The following LRP1B variants were observed in gnomAD, a reference collection of about 807,000 sequenced individuals.
The protein encoded by LRP1B is LDL receptor related protein 1B.
Under a neutral mutation model 556.6 loss-of-function variants are expected in LRP1B, and 217 were observed. The ratio of observed to expected loss-of-function variants is 0.39; its 90% CI spans 0.35 to 0.44. The LOEUF (loss-of-function observed/expected upper bound fraction) is 0.44, where lower values mean the gene tolerates loss of function less well. Ranked by LOEUF, LRP1B falls within the 20% of genes least tolerant of loss-of-function variation. LRP1B has a pLI of 1.00. For synonymous variants in LRP1B, 2,047 were observed against 1,865.8 expected, an observed-to-expected ratio of 1.10 and a Z score of -2.50; for missense variants, 5,053 against 5,620.8, an observed-to-expected ratio of 0.90 and a Z score of 3.23.
intron 5 of LRP1B, among the ~76,000 whole-genome samples, chr2:141,233,787 A>G (rs567065280): frequency 5.2e-4 from 79 of 152,200 alleles, no homozygotes; most frequent in Non-Finnish European, 7.5e-4. Context: ...TAATTTGGCT[A>G]GTTTCCTTCT....
chr2:141,438,338 TTCAC>T (rs144766824), intron 3 of LRP1B, among the ~76,000 whole-genome samples: 5,611 of 152,188 alleles, frequency 0.037, 325 homozygotes, highest in African/African-American at 0.13. Flanking sequence ...CATTCATTCA[TTCAC>T]TCACTCACTC....
chr2:141,735,609 G>A (rs1693436495), intron 2 of LRP1B, among the ~76,000 whole-genome samples: 2 of 152,098 alleles, frequency 1.3e-5, no homozygotes, highest in South Asian at 4.1e-4. Context: ...GTGGAAGATA[G>A]AAGTAAAATG....
chr2:141,039,343 G>T (rs751131004), intron 11 of LRP1B, among the ~76,000 whole-genome samples: 3 of 151,970 alleles, frequency 2.0e-5, no homozygotes, highest in African/African-American at 7.2e-5. Flanking sequence ...CATTATTGTT[G>T]TGAGTCTCTT....
intron 18 of LRP1B, among the ~76,000 whole-genome samples, chr2:140,974,114 C>T (rs980288): frequency 0.74 from 111,707 of 151,980 alleles, 41,591 homozygotes; most frequent in Admixed American, 0.79. Flanking sequence ...TTATTGATTC[C>T]ATGTAGCTTC....
intron 66 of LRP1B, among the ~76,000 whole-genome samples, chr2:140,412,628 T>C (rs1685012105): frequency 6.6e-6 from 1 of 152,068 alleles, no homozygotes; most frequent in South Asian, 2.1e-4. Flanking sequence ...GTAAATCATT[T>C]TGAGAACGTA....
chr2:141,405,489 G>A (rs2104932598), intron 3 of LRP1B, among the ~76,000 whole-genome samples: 1 of 152,210 alleles, frequency 6.6e-6, no homozygotes, highest in African/African-American at 2.4e-5. Flanking sequence ...TTAGTTGGTT[G>A]CTAGAATACC....
At chr2:141,807,097 C>T (rs1028130774) in intron 2 of LRP1B, among the ~76,000 whole-genome samples, 4 of 151,920 alleles carry the variant, frequency 2.6e-5, no homozygotes, top group Admixed American at 6.6e-5. Context: ...TCTTTCATAT[C>T]GAATGTATAC....
chr2:141,484,350 GT>G (rs1458569213), intron 2 of LRP1B, among the ~76,000 whole-genome samples: 1 of 149,896 alleles, frequency 6.7e-6, no homozygotes, highest in Non-Finnish European at 1.5e-5. Context: ...GTACCATGCT[GT>G]TTTGGTTACT....
chr2:140,361,419 A>G (rs556100808), intron 72 of LRP1B, among the ~76,000 whole-genome samples: 26 of 137,758 alleles, frequency 1.9e-4, no homozygotes, highest in African/African-American at 6.1e-4. Flanking sequence ...GAAATTTCTT[A>G]AGATATTATT....
chr2:141,618,974 A>C (rs888176786), intron 2 of LRP1B, among the ~76,000 whole-genome samples: 1 of 152,230 alleles, frequency 6.6e-6, no homozygotes, highest in African/African-American at 2.4e-5. Context: ...AGTGAATTGC[A>C]TTAAAGTAAA....
chr2:140,870,239 G>A (rs1036588561), intron 25 of LRP1B, among the ~76,000 whole-genome samples: 3 of 152,064 alleles, frequency 2.0e-5, no homozygotes, highest in African/African-American at 4.8e-5. Context: ...TTTGCATAAG[G>A]CAATGTTTGT....
intron 3 of LRP1B, among the ~76,000 whole-genome samples, chr2:141,301,116 A>T (rs2105429803): frequency 6.6e-6 from 1 of 152,274 alleles, no homozygotes; most frequent in East Asian, 1.9e-4. Context: ...GGAGTTTTAC[A>T]TGACTTGGAA....
chr2:141,692,387 A>T (rs1407895008), intron 2 of LRP1B, among the ~76,000 whole-genome samples: 3 of 151,954 alleles, frequency 2.0e-5, no homozygotes, highest in African/African-American at 7.2e-5. Flanking sequence ...TGCTCTCCAC[A>T]AGGACTTTGA....
At chr2:140,856,834 C>A (rs889658757) in intron 27 of LRP1B, among the ~76,000 whole-genome samples, 1 of 151,840 alleles carries the variant, frequency 6.6e-6, no homozygotes, top group African/African-American at 2.4e-5. Context: ...GAGGTAGGGA[C>A]ATTTGGATTC....
At chr2:140,304,703 T>C (rs1447562567) in intron 83 of LRP1B, among the ~76,000 whole-genome samples, 1 of 152,212 alleles carries the variant, frequency 6.6e-6, no homozygotes, top group Non-Finnish European at 1.5e-5. Context: ...CCATTGCTTT[T>C]GGTGTTTTAG....
intron 2 of LRP1B, among the ~76,000 whole-genome samples, chr2:141,755,402 A>G (rs1694279036): frequency 6.6e-6 from 1 of 152,066 alleles, no homozygotes; most frequent in African/African-American, 2.4e-5. Flanking sequence ...CATACCTATG[A>G]GGAAAAAAAT....
At chr2:140,623,497 A>G (rs781151879) in intron 41 of LRP1B, among the ~76,000 whole-genome samples, 1 of 152,200 alleles carries the variant, frequency 6.6e-6, no homozygotes, top group Non-Finnish European at 1.5e-5. Context: ...CAATATATCT[A>G]GTAACAATAA....
At chr2:141,627,554 T>C (rs924353382) in intron 2 of LRP1B, among the ~76,000 whole-genome samples, 16 of 152,176 alleles carry the variant, frequency 1.1e-4, no homozygotes, top group African/African-American at 3.6e-4. Context: ...TAGATTCTCA[T>C]AGGAGTGCAA....
At chr2:140,588,415 A>C (rs1243264367) in intron 43 of LRP1B, among the ~76,000 whole-genome samples, 1 of 152,224 alleles carries the variant, frequency 6.6e-6, no homozygotes, top group African/African-American at 2.4e-5. Context: ...CTGCTAAAAA[A>C]GTTAGACAGA....
Sources: gnomAD v4.1 joint callset for allele counts (sites outside exome capture counted in the v4.1 genomes callset) on GRCh38, gnomAD v4.1.1 for gene constraint, MANE v1.5 for transcripts, NCBI Gene and HGNC (gene_info 2026-07-23, HGNC 2026-07-21) for gene names.